The following PSD3 variants were observed in gnomAD, a reference collection of about 807,000 sequenced individuals.
PSD3 encodes the protein pleckstrin and Sec7 domain containing 3.
Under a neutral mutation model 105.5 loss-of-function variants are expected in PSD3, and 49 were observed. The ratio of observed to expected loss-of-function variants is 0.46; its 90% confidence interval spans 0.37 to 0.59. The LOEUF is 0.59. Ranked by LOEUF, PSD3 falls within the 20% of genes least tolerant of loss-of-function variation. The probability of loss-of-function intolerance (pLI) is 0.00; values close to 1 mark genes in which losing one functional copy is unlikely to be tolerated. For missense variants in PSD3, 1,561 were observed against 1,263.8 expected (o/e 1.24, Z -3.57); for synonymous variants, 557 against 457.8 (o/e 1.22, Z -2.77).
chr8:18,543,116 T>C (rs1245667355), intron 15 of PSD3, among the ~76,000 whole-genome samples: 2 of 152,218 alleles, frequency 1.3e-5, no homozygotes, highest in African/African-American at 4.8e-5. Context: ...ACCTGGCCCA[T>C]TCAGTGAGCT....
chr8:18,962,255 A>G (rs1156535651), intron 1 of PSD3, among the ~76,000 whole-genome samples: 1 of 152,188 alleles, frequency 6.6e-6, no homozygotes, highest in Admixed American at 6.5e-5. Flanking sequence ...TCCAAAAAAA[A>G]AAGAAAGATA....
At chr8:18,802,007 A>G (rs1211360167) in intron 6 of PSD3, among the ~76,000 whole-genome samples, 3 of 152,086 alleles carry the variant, frequency 2.0e-5, no homozygotes, top group Non-Finnish European at 4.4e-5. Flanking sequence ...CATCATCATA[A>G]AGGCTATGTT....
chr8:18,861,560 T>C (rs1476481680), intron 4 of PSD3, among the ~76,000 whole-genome samples: 1 of 152,132 alleles, frequency 6.6e-6, no homozygotes, highest in East Asian at 1.9e-4. Context: ...AACCTGCTGC[T>C]TCCCCCAACT....
chr8:18,896,496 C>A (rs1819158586), intron 2 of PSD3, among the ~76,000 whole-genome samples: 1 of 152,200 alleles, frequency 6.6e-6, no homozygotes, highest in African/African-American at 2.4e-5. Flanking sequence ...TTGCTGCAGC[C>A]TTGACCCCCT....
chr8:19,016,233 C>T (rs1563511597), upstream of PSD3, among the ~76,000 whole-genome samples: 2 of 152,304 alleles, frequency 1.3e-5, no homozygotes, highest in Non-Finnish European at 1.5e-5. Flanking sequence ...AAAGGAGGCA[C>T]GCAGACCACC....
chr8:18,811,423 A>C (rs540823805), intron 4 of PSD3, among the ~76,000 whole-genome samples: 1 of 152,348 alleles, frequency 6.6e-6, no homozygotes, highest in Admixed American at 6.5e-5. Context: ...ACAGTAAGCA[A>C]AACAGAATTA....
intron 9 of PSD3, among the ~76,000 whole-genome samples, chr8:18,679,839 T>C (rs919050709): frequency 6.6e-6 from 1 of 152,346 alleles, no homozygotes; most frequent in African/African-American, 2.4e-5. Flanking sequence ...ATTTCTTTGC[T>C]ATATCACTGA....
chr8:18,732,172 C>T (rs1182752451), intron 9 of PSD3, among the ~76,000 whole-genome samples: 1 of 151,874 alleles, frequency 6.6e-6, no homozygotes, highest in Admixed American at 6.6e-5. Flanking sequence ...AACCCTCCTC[C>T]CCCCCGAAAA....
intron 8 of PSD3, among the ~76,000 whole-genome samples, chr8:18,795,437 G>C (rs1223245585): frequency 1.3e-5 from 2 of 152,182 alleles, no homozygotes; most frequent in African/African-American, 2.4e-5. Context: ...AACTGCTACT[G>C]AAAATCTCAA....
intron 9 of PSD3, among the ~76,000 whole-genome samples, chr8:18,736,530 C>T: frequency 6.6e-6 from 1 of 152,140 alleles, no homozygotes. Flanking sequence ...ATTAATCCTA[C>T]ATTCAGTAAG....
intron 9 of PSD3, among the ~76,000 whole-genome samples, chr8:18,699,175 T>C (rs1801432292): frequency 6.6e-6 from 1 of 152,178 alleles, no homozygotes; most frequent in Non-Finnish European, 1.5e-5. Context: ...AAGCTATGTG[T>C]GCCACTTCCA....
intron 9 of PSD3, among the ~76,000 whole-genome samples, chr8:18,699,582 C>G (rs1314696065): frequency 6.6e-6 from 1 of 152,092 alleles, no homozygotes; most frequent in East Asian, 1.9e-4. Context: ...ACCGAATACT[C>G]TATATGAAGG....
chr8:18,964,967 C>G (rs1165266811), intron 1 of PSD3, among the ~76,000 whole-genome samples: 2 of 152,132 alleles, frequency 1.3e-5, no homozygotes, highest in Admixed American at 1.3e-4. Context: ...TATTAAAACA[C>G]CATTTGCATG....
At chr8:18,921,541 G>A (rs1821019550) in intron 2 of PSD3, among the ~76,000 whole-genome samples, 2 of 152,186 alleles carry the variant, frequency 1.3e-5, no homozygotes, top group South Asian at 4.1e-4. Context: ...TGTGGGTCCT[G>A]AAACCTACAC....
intron 2 of PSD3, among the ~76,000 whole-genome samples, chr8:18,884,214 AT>A (rs1818306122): frequency 1.3e-5 from 2 of 151,670 alleles, no homozygotes; most frequent in African/African-American, 4.8e-5. Context: ...TAAAAAAAAA[AT>A]CTCAAATGCA....
At chr8:18,813,509 G>C (rs190827045) in intron 4 of PSD3, among the ~76,000 whole-genome samples, 1 of 152,200 alleles carries the variant, frequency 6.6e-6, no homozygotes, top group African/African-American at 2.4e-5. Flanking sequence ...GTGCGCCAAA[G>C]AAATATGTCT....
chr8:18,637,594 G>A (rs149344488), intron 10 of PSD3, among the ~76,000 whole-genome samples: 19 of 152,248 alleles, frequency 1.2e-4, no homozygotes, highest in African/African-American at 3.6e-4. Flanking sequence ...CATCCATATT[G>A]TAATGTGAAT....
At chr8:18,676,087 A>G (rs778503223) in intron 9 of PSD3, among the ~76,000 whole-genome samples, 5 of 151,980 alleles carry the variant, frequency 3.3e-5, no homozygotes, top group Non-Finnish European at 4.4e-5. Flanking sequence ...AAATATATAT[A>G]TATTTTTTTC....
At chr8:18,936,374 G>A (rs13254740) in intron 1 of PSD3, among the ~76,000 whole-genome samples, 15,326 of 152,234 alleles carry the variant, frequency 0.1, 826 homozygotes, top group Middle Eastern at 0.24. Flanking sequence ...CATCTATAGG[G>A]AAGTCAGAGG....
Sources: gnomAD v4.1 joint callset for allele counts (sites outside exome capture counted in the v4.1 genomes callset) on GRCh38, gnomAD v4.1.1 for gene constraint, MANE v1.5 for transcripts, NCBI Gene and HGNC (gene_info 2026-07-23, HGNC 2026-07-21) for gene names.